BMPR2: variants seen among roughly 807,000 people sequenced by gnomAD.
The protein encoded by BMPR2 is bone morphogenetic protein receptor type-2.
Under a neutral mutation model 100.8 loss-of-function variants are expected in BMPR2, and 29 were observed. The observed-to-expected ratio is 0.29, with a 90% CI of 0.21 to 0.39. The LOEUF is 0.39. BMPR2 is among the 10% of genes least tolerant of loss of function. BMPR2 has a pLI of 1.00. For missense variants in BMPR2, 1,011 were observed against 1,274.5 expected (o/e 0.79, Z 3.15); for synonymous variants, 382 against 442.3 (o/e 0.86, Z 1.71).
chr2:202,441,395 CTAATT>C (rs1229394677), intron 1 of BMPR2, among the ~76,000 whole-genome samples: 4 of 150,274 alleles, frequency 2.7e-5, no homozygotes, highest in African/African-American at 5.0e-5. Flanking sequence ...TGAATTGTCA[CTAATT>C]TACTTTATTT....
chr2:202,541,957 G>C (rs1688283809), intron 9 of BMPR2, among the ~76,000 whole-genome samples: 1 of 151,786 alleles, frequency 6.6e-6, no homozygotes, highest in Non-Finnish European at 1.5e-5. Context: ...ACTAAAATAT[G>C]AAAATTAGCT....
chr2:202,427,358 CAA>C (rs397872093), intron 1 of BMPR2, among the ~76,000 whole-genome samples: 925 of 78,840 alleles, frequency 0.012, 10 homozygotes, highest in African/African-American at 0.04. Flanking sequence ...GACCCTGGCT[CAA>C]AAAAAAAAAA....
intron 1 of BMPR2, among the ~76,000 whole-genome samples, chr2:202,432,890 A>T (rs1261079186): frequency 1.3e-5 from 2 of 150,586 alleles, no homozygotes; most frequent in Non-Finnish European, 2.9e-5. Context: ...AACTAAAATG[A>T]TAAAGGGATC....
At chr2:202,474,931 A>T (rs1692513367) in intron 3 of BMPR2, 1 of 152,168 alleles carries the variant, frequency 6.6e-6, no homozygotes, top group African/African-American at 2.4e-5. Flanking sequence ...TTTATTTGGA[A>T]AAAGAGAAAA....
At position 202,559,852 on chromosome 2, in the gene BMPR2, C is replaced by T; in HGVS notation, c.3023C>T (p.Ala1008Val). ...CEVNNNGSNR[A>V]VHSKSSTAVY... ...GTCAACAATAATGGCAGTAACAGGG[C>T]AGTTCATTCCAAATCCAGCACTGCT... The change falls in exon 13 of 13, where the codon GCA becomes GTA. Residue 1008 changes from alanine to valine, a missense_variant. Physicochemically the swap from Ala to Val is moderately conservative, Grantham distance 64. Transcript: ENST00000374580. The T allele has an allele frequency of 6.2e-7, 1 of 1,614,118 alleles. No individual in the cohort carries two copies. The highest frequency in any genetic ancestry group is 2.2e-5 in the East Asian group (1 of 44,880).
intron 7 of BMPR2, among the ~76,000 whole-genome samples, chr2:202,525,067 A>G (rs1687883790): frequency 6.6e-6 from 1 of 152,178 alleles, no homozygotes; most frequent in African/African-American, 2.4e-5. Flanking sequence ...TCTTAGGTTA[A>G]GAACCTCTTA....
At chr2:202,481,976 A>T (rs1015562493) in intron 3 of BMPR2, among the ~76,000 whole-genome samples, 1 of 152,170 alleles carries the variant, frequency 6.6e-6, no homozygotes, top group Admixed American at 6.5e-5. Context: ...ATTAAATAAC[A>T]ACTCACTATT....
At chr2:202,500,195 G>A (rs868396655) in intron 3 of BMPR2, among the ~76,000 whole-genome samples, 21 of 152,248 alleles carry the variant, frequency 1.4e-4, no homozygotes, top group Middle Eastern at 6.8e-3. Context: ...GGACACTGGC[G>A]CAGCCTTCTC....
At chr2:202,458,249 C>T (rs566921697) in intron 1 of BMPR2, among the ~76,000 whole-genome samples, 1 of 137,816 alleles carries the variant, frequency 7.3e-6, no homozygotes, top group East Asian at 2.0e-4. Context: ...GAGTTTGTGA[C>T]CAGCCTGGGC....
intron 9 of BMPR2, among the ~76,000 whole-genome samples, chr2:202,534,905 AC>A (rs1324040622): frequency 2.8e-5 from 3 of 108,838 alleles, no homozygotes; most frequent in African/African-American, 3.8e-5. Context: ...CGGGGGGCTG[AC>A]CCCCCCACCT....
In BMPR2 at chr2:202,562,296, A is replaced by G. The variant is rs927915212; in HGVS notation, c.*2350A>G. The G allele has an allele frequency of 1.3e-5, 2 of 152,596 alleles. No homozygotes were observed. Among genetic ancestry groups the G allele is most frequent in the Non-Finnish European group, 2.9e-5 (2 of 67,996 alleles). 9.5% of individuals were successfully genotyped at this position (152,596 alleles called of 1,614,324 possible). A position where few individuals can be genotyped will look rare whatever the true frequency, so the allele number is the denominator to read the frequency against. ...ATTTTTTAATATTGGGAAAATTATG[A>G]TAAAATGCTTTAAAAATTAATATGC... On this transcript the variant is annotated 3_prime_UTR_variant, in exon 13 of 13. Coordinates refer to ENST00000374580, the MANE Select transcript of BMPR2 (RefSeq NM_001204.7).
At chr2:202,485,543 A>ATTTTTTTTTTTTTTTTTTTTTTT (rs1574472655) in intron 3 of BMPR2, among the ~76,000 whole-genome samples, 1 of 14,050 alleles carries the variant, frequency 7.1e-5, no homozygotes, top group Non-Finnish European at 1.9e-4. Flanking sequence ...CTTTGCCTTT[A>ATTTTTTTTTTTTTTTTTTTTTTT]TCTTTTTTTT....
In BMPR2 at chr2:202,555,335, A is replaced by G. The variant is rs973815807; in HGVS notation, c.1670A>G (p.His557Arg). The G allele has an allele frequency of 2.5e-6, 4 of 1,614,068 alleles. No individual in the cohort carries two copies. The highest frequency in any genetic ancestry group is 2.7e-5 in the African/African-American group (2 of 74,946). ...TCCTCATACATTGAAGACTCTATCCATCATACTGACAGCATCGTGAAGAAT... is the reference window on the plus strand; with the variant it reads ...TCCTCATACATTGAAGACTCTATCCGTCATACTGACAGCATCGTGAAGAAT... ...SSSSYIEDSIHHTDSIVKNIS... is the reference protein window; with the variant it reads ...SSSSYIEDSIRHTDSIVKNIS... The change falls in exon 12 of 13, where the codon CAT becomes CGT. Residue 557 changes from histidine (H) to arginine (R), a missense_variant. His to Arg is a conservative substitution (Grantham distance 29). Transcript: ENST00000374580.
At chr2:202,489,311 T>A (rs1325601201) in intron 3 of BMPR2, among the ~76,000 whole-genome samples, 1 of 152,196 alleles carries the variant, frequency 6.6e-6, no homozygotes, top group Non-Finnish European at 1.5e-5. Flanking sequence ...CCTTTGTTGT[T>A]CTTTTGTACC....
chr2:202,441,758 G>T (rs1474497217), intron 1 of BMPR2, among the ~76,000 whole-genome samples: 1 of 146,914 alleles, frequency 6.8e-6, no homozygotes, highest in Non-Finnish European at 1.5e-5. Flanking sequence ...ATGTGGCCAG[G>T]CGTGGTGGCT....
At chr2:202,409,590 T>C (rs1690971535) in intron 1 of BMPR2, among the ~76,000 whole-genome samples, 1 of 151,998 alleles carries the variant, frequency 6.6e-6, no homozygotes, top group Admixed American at 6.6e-5. Context: ...ATGACAGACA[T>C]ATGATCTCCG....
In BMPR2 at chr2:202,542,465, T is replaced by C; in HGVS notation, c.1413+18T>C. 2 of 1,613,040 alleles carry C rather than the reference T, an allele frequency of 1.2e-6. No individual in the cohort carries two copies. The highest frequency in any genetic ancestry group is 2.2e-5 in the South Asian group (2 of 90,942). On this transcript the variant is annotated intron_variant, in intron 10 of 12. Transcript: ENST00000374580. Reference sequence around the variant, plus strand: ...ATAGCCTGGTAAGAAAAAACTAAGTTATTAAAGAGAGGACTTATGACTGAA... The same window carrying C: ...ATAGCCTGGTAAGAAAAAACTAAGTCATTAAAGAGAGGACTTATGACTGAA...
At chr2:202,471,422 TA>T (rs1307564456) in intron 3 of BMPR2, among the ~76,000 whole-genome samples, 1 of 152,086 alleles carries the variant, frequency 6.6e-6, no homozygotes, top group Non-Finnish European at 1.5e-5. Context: ...TTAGTAATTA[TA>T]AAATGGGAAA....
chr2:202,381,745 A>G (rs1182477370), intron 1 of BMPR2, among the ~76,000 whole-genome samples: 2 of 152,204 alleles, frequency 1.3e-5, no homozygotes, highest in Non-Finnish European at 2.9e-5. Flanking sequence ...CATTAAAATG[A>G]TATAAACTTT....
Sources: allele counts gnomAD v4.1 joint callset (sites outside exome capture counted in the v4.1 genomes callset), GRCh38; gene constraint gnomAD v4.1.1; transcripts MANE v1.5; gene names NCBI Gene and HGNC (gene_info 2026-07-23, HGNC 2026-07-21).